The following TMPRSS11F variants were observed in gnomAD, a reference collection of about 807,000 sequenced individuals.
TMPRSS11F encodes the protein transmembrane protease serine 11F.
A neutral mutation model predicts 60.2 loss-of-function variants in TMPRSS11F; 47 were observed. The observed-to-expected ratio is 0.78, with a 90% CI of 0.62 to 1.00. TMPRSS11F has a LOEUF of 1.00. Ranked by LOEUF, TMPRSS11F falls within the 50% of genes least tolerant of loss-of-function variation. The pLI, the probability that TMPRSS11F is intolerant of heterozygous loss-of-function variation, is 0.00. For synonymous variants in TMPRSS11F, 166 were observed against 167.3 expected, an observed-to-expected ratio of 0.99 and a Z score of 0.06; for missense variants, 519 against 522.9, an observed-to-expected ratio of 0.99 and a Z score of 0.07.
At chr4:68,095,561 C>T (rs990871249) in intron 2 of TMPRSS11F, among the ~76,000 whole-genome samples, 2 of 152,100 alleles carry the variant, frequency 1.3e-5, no homozygotes, top group Non-Finnish European at 2.9e-5. Context: ...CTGAGATGCA[C>T]TGCTGGTAGA....
intron 1 of TMPRSS11F, among the ~76,000 whole-genome samples, chr4:68,100,830 C>A (rs140038131): frequency 1.5e-4 from 23 of 151,996 alleles, no homozygotes; most frequent in African/African-American, 5.5e-4. Context: ...AATTACATAA[C>A]CTAGAAAAAA....
At chr4:68,074,274 G>A (rs916695486) in intron 3 of TMPRSS11F, among the ~76,000 whole-genome samples, 6 of 152,156 alleles carry the variant, frequency 3.9e-5, no homozygotes, top group Non-Finnish European at 8.8e-5. Context: ...CTAAGCCTCT[G>A]TAAAATGGGA....
rs143213235 is a variant in TMPRSS11F, at chr4:68,089,635, G to A, written c.282+888C>T. Among the ~76,000 whole-genome samples the A allele has an allele frequency of 1.9e-3, 282 of 152,178 alleles. 1 individual carries two copies. The highest frequency in any genetic ancestry group is 2.3e-3 in the Non-Finnish European group (159 of 67,976). On this transcript the variant is annotated intron_variant, in intron 3 of 9. Transcript: ENST00000356291. The stretch of plus-strand genomic sequence containing the variant: ...TTTGAATAGCCATGGAAATGGAAAT[G>A]CTCTTATTGCTTTTCAACATTTAGA...
intron 5 of TMPRSS11F, 97 bp downstream of exon 5, chr4:68,072,226 A>ATATATATATATATATCTTAC (rs61224244): frequency 0.019 from 1,514 of 79,200 alleles, 92 homozygotes; most frequent in African/African-American, 0.067. Flanking sequence ...TCTTCCAAAA[A>ATATATATATATATATCTTAC]AAAAATATAT....
At chr4:68,119,526 C>G (rs531975531) in intron 1 of TMPRSS11F, among the ~76,000 whole-genome samples, 17 of 152,158 alleles carry the variant, frequency 1.1e-4, no homozygotes, top group Non-Finnish European at 2.1e-4. Flanking sequence ...GCCGATGCTC[C>G]TTTCCATTCC....
intron 3 of TMPRSS11F, among the ~76,000 whole-genome samples, chr4:68,076,799 A>C (rs1032418533): frequency 6.6e-6 from 1 of 152,204 alleles, no homozygotes; most frequent in African/African-American, 2.4e-5. Flanking sequence ...AGGTACCTGC[A>C]AGTGCATCAA....
At chr4:68,088,107 A>G (rs1174060669) in intron 3 of TMPRSS11F, among the ~76,000 whole-genome samples, 1 of 152,044 alleles carries the variant, frequency 6.6e-6, no homozygotes, top group Non-Finnish European at 1.5e-5. Flanking sequence ...CAGATTGGAT[A>G]AAGAGTCAAG....
intron 3 of TMPRSS11F, among the ~76,000 whole-genome samples, chr4:68,079,242 T>C (rs959021940): frequency 6.6e-6 from 1 of 151,826 alleles, no homozygotes; most frequent in Non-Finnish European, 1.5e-5. Context: ...TCAGGATATA[T>C]AATCTTGTCT....
intron 3 of TMPRSS11F, among the ~76,000 whole-genome samples, chr4:68,075,007 A>G (rs1723555136): frequency 6.6e-6 from 1 of 152,212 alleles, no homozygotes; most frequent in African/African-American, 2.4e-5. Flanking sequence ...AATTTTTTTA[A>G]AAAGCACTGG....
rs149309139 is a variant in TMPRSS11F at position 68,100,486 on chromosome 4, G to A, written c.12-1448C>T. Among the ~76,000 whole-genome samples the A allele has an allele frequency of 2.5e-4, 38 of 152,238 alleles. No homozygotes were observed. In the East Asian group the frequency reaches 7.3e-3, roughly 29 times the overall value. On this transcript the variant is annotated intron_variant, in intron 1 of 9. Transcript: ENST00000356291. ...CTGAACTGAGGCTATGGAATGGGGT[G>A]GAGAGGAGGCGATGGATTTAGTTGT... is the stretch of plus-strand genomic sequence containing the variant.
At chr4:68,116,991 C>T (rs937021901) in intron 1 of TMPRSS11F, among the ~76,000 whole-genome samples, 2 of 152,072 alleles carry the variant, frequency 1.3e-5, no homozygotes, top group Non-Finnish European at 2.9e-5. Flanking sequence ...CAAAAACAGA[C>T]AAGGGGATTA....
chr4:68,062,789 G>A, intron 8 of TMPRSS11F: 1 of 746,374 alleles, frequency 1.3e-6, no homozygotes, highest in East Asian at 2.6e-5. Flanking sequence ...TCTGCGGATG[G>A]ATATCTTGCA....
intron 1 of TMPRSS11F, among the ~76,000 whole-genome samples, chr4:68,110,924 A>G (rs917021665): frequency 1.4e-4 from 21 of 152,264 alleles, no homozygotes; most frequent in Non-Finnish European, 2.1e-4. Context: ...CAGGAGTCCA[A>G]TGATGGAAAT....
chr4:68,069,375 G>A (rs565556971), intron 6 of TMPRSS11F, among the ~76,000 whole-genome samples: 3 of 152,058 alleles, frequency 2.0e-5, no homozygotes, highest in Non-Finnish European at 4.4e-5. Context: ...AAACACTATC[G>A]ACCTTTTTGG....
intron 2 of TMPRSS11F, among the ~76,000 whole-genome samples, chr4:68,096,130 ACC>A (rs1724070618): frequency 6.6e-6 from 1 of 151,518 alleles, no homozygotes; most frequent in African/African-American, 2.4e-5. Flanking sequence ...TAAAAAAAAA[ACC>A]AGACTAAAGC....
At chr4:68,116,146 G>T (rs995423777) in intron 1 of TMPRSS11F, among the ~76,000 whole-genome samples, 5 of 151,560 alleles carry the variant, frequency 3.3e-5, no homozygotes, top group African/African-American at 1.2e-4. Context: ...TTTTGACCTT[G>T]AAGTAGAAAA....
intron 5 of TMPRSS11F, among the ~76,000 whole-genome samples, chr4:68,070,720 C>T (rs1328870109): frequency 2.0e-5 from 3 of 152,152 alleles, no homozygotes; most frequent in Non-Finnish European, 2.9e-5. Context: ...TTCATTATAA[C>T]TCAGCTACAT....
At position 68,068,507 on chromosome 4, in the gene TMPRSS11F, C is replaced by T. The variant is rs1723377304; in HGVS notation, c.755+111G>A. On this transcript the variant is annotated intron_variant, in intron 7 of 9. Transcript: ENST00000356291. Reference sequence around the variant, plus strand: ...TCCATTTAGGGGACAGCTAGGTCTACCCTGAATGGAGCAAAGGTTAAACTG... The same window carrying T: ...TCCATTTAGGGGACAGCTAGGTCTATCCTGAATGGAGCAAAGGTTAAACTG... 1.4e-5 allele frequency: 12 copies of T among 861,846 alleles called. No homozygotes were observed. In the South Asian group the frequency reaches 1.7e-4, roughly 12 times the overall value. The allele number at this position is 861,846 out of a possible 1,614,324, so 53.4% of individuals were successfully genotyped here.
intron 8 of TMPRSS11F, chr4:68,062,700 G>T (rs764804375): frequency 5.3e-6 from 4 of 748,128 alleles, no homozygotes; most frequent in Non-Finnish European, 1.0e-5. Context: ...TACACAGACA[G>T]CATGAGTGTC....
Sources: gnomAD v4.1 joint callset for allele counts (sites outside exome capture counted in the v4.1 genomes callset) on GRCh38, gnomAD v4.1.1 for gene constraint, MANE v1.5 for transcripts, NCBI Gene and HGNC (gene_info 2026-07-23, HGNC 2026-07-21) for gene names.